Variants in IL16 observed in about 807,000 individuals in gnomAD.
The protein encoded by IL16 is pro-interleukin-16.
IL16 carries 67 observed loss-of-function variants against 110.1 expected under a neutral mutation model. The observed-to-expected ratio is 0.61, with a 90% CI of 0.50 to 0.75. IL16 has a LOEUF of 0.75. IL16 is among the 30% of genes least tolerant of loss of function. The probability of loss-of-function intolerance (pLI) is 0.00; values close to 1 mark genes in which losing one functional copy is unlikely to be tolerated. For missense variants in IL16, 1,545 were observed against 1,655.0 expected, an observed-to-expected ratio of 0.93 and a Z score of 1.15; for synonymous variants, 689 against 662.9, an observed-to-expected ratio of 1.04 and a Z score of -0.61.
chr15:81,193,064 T>C (rs1479437992), upstream of IL16, among the ~76,000 whole-genome samples: 3 of 152,150 alleles, frequency 2.0e-5, no homozygotes, highest in Non-Finnish European at 4.4e-5. Flanking sequence ...ACAAAACCAG[T>C]CCACAGAGAA....
chr15:81,188,254 C>T (rs973670740), intron 1 of IL16: 5 of 444,792 alleles, frequency 1.1e-5, no homozygotes, highest in South Asian at 1.6e-5. Flanking sequence ...TGCTTTCAGC[C>T]GTCTGAATCG....
intron 1 of IL16, 68 bp from the exon 2 acceptor site, chr15:81,225,231 G>C: frequency 7.6e-7 from 1 of 1,320,736 alleles, no homozygotes; most frequent in Non-Finnish European, 1.0e-6. Context: ...TCAGATCCAG[G>C]ACTCGTGTGC....
chr15:81,295,799 G>A (rs1252968649), intron 12 of IL16, among the ~76,000 whole-genome samples: 1 of 152,134 alleles, frequency 6.6e-6, no homozygotes, highest in Non-Finnish European at 1.5e-5. Flanking sequence ...AATGTTTATT[G>A]TCAATGTAGA....
intron 13 of IL16, among the ~76,000 whole-genome samples, chr15:81,297,425 C>T (rs1395703719): frequency 6.6e-6 from 1 of 152,192 alleles, no homozygotes; most frequent in Non-Finnish European, 1.5e-5. Context: ...CCAGTTGCAA[C>T]AGTCCTGCTG....
At chr15:81,254,982 A>G (rs1161992817) in intron 2 of IL16, among the ~76,000 whole-genome samples, 7 of 152,220 alleles carry the variant, frequency 4.6e-5, no homozygotes, top group Admixed American at 2.6e-4. Flanking sequence ...TAGCTTTACT[A>G]AAGAGGAAAC....
At chr15:81,188,001 C>G (rs2141913986) in intron 1 of IL16, among the ~76,000 whole-genome samples, 1 of 152,126 alleles carries the variant, frequency 6.6e-6, no homozygotes, top group East Asian at 1.9e-4. Context: ...AGCAGGGGCC[C>G]CATGGGTGGT....
rs4778892 is a variant in IL16 at position 81,312,048 on chromosome 15, T to C, written c.*3250T>C. 70,474 of 151,708 alleles carry C rather than the reference T, an allele frequency of 0.46. 17,802 individuals are homozygous for C. The highest frequency in any genetic ancestry group is 0.68 in the African/African-American group (28,184 of 41,294). 9.4% of individuals were successfully genotyped at this position (151,708 alleles called of 1,614,324 possible). A position where few individuals can be genotyped will look rare whatever the true frequency, so the allele number is the denominator to read the frequency against. On this transcript the variant is annotated 3_prime_UTR_variant, in exon 19 of 19. Coordinates refer to ENST00000683961, the MANE Select transcript of IL16 (RefSeq NM_172217.5). Reference sequence around the variant, plus strand: ...AGGCTGAGAACACTGTGAAAACATTTTGCGCGCACAATAGTAACCTGGGTA... The same window carrying C: ...AGGCTGAGAACACTGTGAAAACATTCTGCGCGCACAATAGTAACCTGGGTA...
At chr15:81,222,745 G>GACACACACACACACACAC (rs71718505) in intron 1 of IL16, among the ~76,000 whole-genome samples, 2 of 148,376 alleles carry the variant, frequency 1.3e-5, no homozygotes, top group African/African-American at 4.9e-5. Context: ...CACACTCACA[G>GACACACACACACACACAC]ACACACACAC....
At chr15:81,232,732 C>T (rs1177650994) in intron 2 of IL16, among the ~76,000 whole-genome samples, 1 of 152,100 alleles carries the variant, frequency 6.6e-6, no homozygotes, top group Non-Finnish European at 1.5e-5. Flanking sequence ...GATGTATTGT[C>T]CTTTTAATAT....
intron 2 of IL16, among the ~76,000 whole-genome samples, chr15:81,232,358 C>A (rs1175373643): frequency 6.6e-6 from 1 of 152,114 alleles, no homozygotes; most frequent in Non-Finnish European, 1.5e-5. Flanking sequence ...CAGGCTAAGG[C>A]CTACAGTGCA....
chr15:81,312,768 G>A lies in IL16; in HGVS notation c.*3970G>A, dbSNP rs1031786511. 1 of 152,304 alleles carries A rather than the reference G, an allele frequency of 6.6e-6. No homozygotes were observed. Among genetic ancestry groups the A allele is most frequent in the Non-Finnish European group, 1.5e-5 (1 of 68,118 alleles). 9.4% of individuals were successfully genotyped at this position (152,304 alleles called of 1,614,324 possible). A position where few individuals can be genotyped will look rare whatever the true frequency, so the allele number is the denominator to read the frequency against. ...TTGCGGCATTAAAGCCATATACAAG[G>A]TCTATATCAGAAAAATATATTTGGG... is the stretch of plus-strand genomic sequence containing the variant. On this transcript the variant is annotated 3_prime_UTR_variant, in exon 19 of 19. Coordinates refer to ENST00000683961, the MANE Select transcript of IL16 (RefSeq NM_172217.5).
chr15:81,205,736 C>A (rs191294140), intron 1 of IL16, among the ~76,000 whole-genome samples: 1 of 152,114 alleles, frequency 6.6e-6, no homozygotes, highest in Non-Finnish European at 1.5e-5. Context: ...AAGAAACAAA[C>A]TCTCTCTCCC....
chr15:81,239,570 A>G lies in IL16; in HGVS notation c.312+13859A>G, dbSNP rs540694524. Among the ~76,000 whole-genome samples the G allele has an allele frequency of 5.9e-5, 9 of 152,300 alleles. 1 individual carries two copies. The South Asian group carries it at 1.7e-3, about 28-fold the overall frequency. On this transcript the variant is annotated intron_variant, in intron 2 of 18. Coordinates refer to ENST00000683961, the MANE Select transcript of IL16 (RefSeq NM_172217.5). The stretch of plus-strand genomic sequence containing the variant: ...AAGCACTCAGCTGATGCTGCCCCTG[A>G]AGATGAACTGGACCACTTGCCAGTG...
intron 6 of IL16, among the ~76,000 whole-genome samples, chr15:81,278,030 CTATTTATTTATT>C (rs72239238): frequency 1.7e-3 from 249 of 149,238 alleles, no homozygotes; most frequent in African/African-American, 5.4e-3. Context: ...GATCCAAGTC[CTATTTATTTATT>C]TATTTATTTA....
At chr15:81,276,025 G>A (rs1596021861) in intron 6 of IL16, among the ~76,000 whole-genome samples, 1 of 152,228 alleles carries the variant, frequency 6.6e-6, no homozygotes, top group East Asian at 1.9e-4. Context: ...ATAACTTAAA[G>A]AGAAGTCTAG....
intron 2 of IL16, among the ~76,000 whole-genome samples, chr15:81,250,208 C>T (rs1441334361): frequency 8.5e-5 from 13 of 152,140 alleles, no homozygotes; most frequent in African/African-American, 1.4e-4. Context: ...CTTGCTGTGT[C>T]GCCCAGGTTG....
At chr15:81,194,419 G>C (rs1415748884), upstream of IL16, among the ~76,000 whole-genome samples, 1 of 151,268 alleles carries the variant, frequency 6.6e-6, no homozygotes, top group African/African-American at 2.4e-5. Context: ...AAAAATTTTT[G>C]TAATTTTAAT....
intron 6 of IL16, among the ~76,000 whole-genome samples, chr15:81,275,081 T>C (rs1393190988): frequency 1.3e-5 from 2 of 151,686 alleles, no homozygotes; most frequent in African/African-American, 4.8e-5. Flanking sequence ...CAGAGAGAAC[T>C]GGAAGGTTTC....
chr15:81,294,796 G>C (rs528873078), intron 12 of IL16, among the ~76,000 whole-genome samples: 1 of 152,088 alleles, frequency 6.6e-6, no homozygotes, highest in South Asian at 2.1e-4. Flanking sequence ...ATCATAGCAC[G>C]CAATAGAAAA....
Sources: allele counts gnomAD v4.1 joint callset (sites outside exome capture counted in the v4.1 genomes callset), GRCh38; gene constraint gnomAD v4.1.1; transcripts MANE v1.5; gene names NCBI Gene and HGNC (gene_info 2026-07-23, HGNC 2026-07-21).